NCKAP1: variants seen among roughly 807,000 people sequenced by gnomAD.
NCKAP1 encodes NCK associated protein 1, also known as nck-associated protein 1.
Under a neutral mutation model 151.2 loss-of-function variants are expected in NCKAP1, and 21 were observed. The ratio of observed to expected loss-of-function variants is 0.14; its 90% CI spans 0.10 to 0.20. The LOEUF (loss-of-function observed/expected upper bound fraction) is 0.20, where lower values mean the gene tolerates loss of function less well. NCKAP1 is among the 10% of genes least tolerant of loss of function. The pLI is 1.00. For synonymous variants in NCKAP1, 484 were observed against 451.8 expected (o/e 1.07, Z -0.90); for missense variants, 933 against 1,352.1 (o/e 0.69, Z 4.86).
intron 20 of NCKAP1, among the ~76,000 whole-genome samples, chr2:182,956,230 C>T (rs1200873034): frequency 6.6e-6 from 1 of 152,058 alleles, no homozygotes; most frequent in African/African-American, 2.4e-5. Context: ...TTAGTAGAGA[C>T]GGGGTTTCAC....
intron 15 of NCKAP1, among the ~76,000 whole-genome samples, chr2:182,975,430 G>C (rs1343012008): frequency 1.3e-5 from 2 of 151,994 alleles, no homozygotes. Flanking sequence ...TTTTGAGGTT[G>C]GAAGGAAAGA....
At chr2:182,956,854 A>G in intron 19 of NCKAP1, 1 of 284,736 alleles carries the variant, frequency 3.5e-6, no homozygotes, top group Non-Finnish European at 6.4e-6. Flanking sequence ...CTTATTCTGC[A>G]CTCATAAAGA....
chr2:182,933,120 A>T (rs1236905056), intron 26 of NCKAP1, among the ~76,000 whole-genome samples: 1 of 152,216 alleles, frequency 6.6e-6, no homozygotes, highest in African/African-American at 2.4e-5. Context: ...GTTCTTTATC[A>T]TTGGAGAATC....
chr2:183,019,373 G>C (rs960640218), intron 2 of NCKAP1, among the ~76,000 whole-genome samples: 1 of 151,756 alleles, frequency 6.6e-6, no homozygotes, highest in Non-Finnish European at 1.5e-5. Flanking sequence ...AAAAATATTG[G>C]AAAAAAAATT....
rs1696410262 is a variant in NCKAP1, at chr2:182,912,459, T to C, written c.*13243A>G. 1 of 152,230 alleles carries C rather than the reference T, an allele frequency of 6.6e-6. No homozygotes were observed. Among genetic ancestry groups the C allele is most frequent in the Middle Eastern group, 3.2e-3 (1 of 316 alleles). The allele number at this position is 152,230 out of a possible 1,614,324, so 9.4% of individuals were successfully genotyped here. A position where few individuals can be genotyped will look rare whatever the true frequency, so the allele number is the denominator to read the frequency against. On this transcript the variant is annotated 3_prime_UTR_variant, in exon 31 of 31. Coordinates refer to ENST00000361354, the MANE Select transcript of NCKAP1 (RefSeq NM_013436.5). ...AGTGCCATCTTTTAGCACATTATAA[T>C]AATCCTGTTGTGCAGTACTCCTTTC...
intron 23 of NCKAP1, among the ~76,000 whole-genome samples, chr2:182,951,452 T>A (rs1403612436): frequency 1.3e-5 from 2 of 151,132 alleles, no homozygotes; most frequent in African/African-American, 4.9e-5. Flanking sequence ...GTGGATCTCT[T>A]GAGGTCAGGA....
intron 19 of NCKAP1, 41 bp downstream of exon 19, chr2:182,957,414 ATT>A: frequency 1.3e-6 from 2 of 1,568,926 alleles, no homozygotes; most frequent in Non-Finnish European, 1.7e-6. Context: ...TGAAATAAAT[ATT>A]TTACCTGGAG....
At position 182,952,903 on chromosome 2, in the gene NCKAP1, C is replaced by T. The variant is rs1247024023; in HGVS notation, c.2393G>A (p.Arg798Gln). ...TGCTATATGGCCATTGCTGACTTGT[C>T]GTAACAAAGTTTCCAAATACCTAAG... ...YTNWYLETLL[R>Q]QVSNGHIAYF... Residue 798 changes from arginine (R) to glutamine (Q), a missense_variant, in exon 22 of 31, where the codon CGA becomes CAA. Physicochemically the swap from Arg to Gln is conservative, Grantham distance 43. This residue lies in a region of NCKAP1 where 326 missense variants were observed against 557.1 expected (regional missense o/e 0.59). Transcript: ENST00000361354. 2 of 1,610,412 alleles carry T rather than the reference C, an allele frequency of 1.2e-6. No homozygotes were observed. Among genetic ancestry groups the T allele is most frequent in the Non-Finnish European group, 1.7e-6 (2 of 1,178,958 alleles).
rs1243707750 is a variant in NCKAP1 at position 182,962,777 on chromosome 2, C to A, written c.1762-499G>T. ...AGAAATCAATTTGGTAATAGAAAGT[C>A]CAAGGCATTCAAATCTCTAAAATCA... is the stretch of plus-strand genomic sequence containing the variant. On this transcript the variant is annotated intron_variant, in intron 17 of 30. Coordinates refer to ENST00000361354, the MANE Select transcript of NCKAP1 (RefSeq NM_013436.5). Among the ~76,000 whole-genome samples the A allele has an allele frequency of 2.0e-5, 3 of 151,182 alleles. 1 individual carries two copies. In the South Asian group the frequency reaches 6.3e-4, roughly 32 times the overall value.
intron 2 of NCKAP1, among the ~76,000 whole-genome samples, chr2:183,011,908 G>C (rs1698596621): frequency 1.3e-5 from 2 of 152,130 alleles, no homozygotes; most frequent in African/African-American, 4.8e-5. Flanking sequence ...TATATTACCA[G>C]GCATTGTGGG....
intron 13 of NCKAP1, among the ~76,000 whole-genome samples, chr2:182,980,070 C>G (rs578138069): frequency 6.6e-6 from 1 of 152,016 alleles, no homozygotes; most frequent in South Asian, 2.1e-4. Context: ...TTCTGGTTTA[C>G]TTTTTAAACT....
chr2:182,952,631 A>C (rs1199983581), intron 22 of NCKAP1, 129 bp from the exon 23 acceptor site: 1 of 1,094,652 alleles, frequency 9.1e-7, no homozygotes, highest in East Asian at 2.6e-5. Flanking sequence ...CTAGAGTGAA[A>C]GAGAGAATAC....
chr2:183,009,723 TC>T (rs1002131945), intron 2 of NCKAP1, among the ~76,000 whole-genome samples: 1 of 152,172 alleles, frequency 6.6e-6, no homozygotes, highest in Non-Finnish European at 1.5e-5. Context: ...ATCAGCACCA[TC>T]CATCTCCAGA....
At chr2:182,932,427 T>C (rs996549348) in intron 26 of NCKAP1, among the ~76,000 whole-genome samples, 14 of 152,112 alleles carry the variant, frequency 9.2e-5, no homozygotes, top group African/African-American at 3.4e-4. Context: ...AGAAAGTAGA[T>C]TAGTCGTTGC....
chr2:183,034,397 TCA>T (rs746102722), intron 1 of NCKAP1, among the ~76,000 whole-genome samples: 389 of 145,628 alleles, frequency 2.7e-3, no homozygotes, highest in Middle Eastern at 0.014. Flanking sequence ...TTTTTTTTTC[TCA>T]TTCTCTGACC....
At chr2:183,034,787 C>T (rs1699071575) in intron 1 of NCKAP1, among the ~76,000 whole-genome samples, 1 of 152,120 alleles carries the variant, frequency 6.6e-6, no homozygotes. Context: ...TAAAATGAAA[C>T]ATAATTTCTA....
chr2:182,977,055 T>C (rs1057253469), intron 14 of NCKAP1, 104 bp from the exon 15 acceptor site: 12 of 666,932 alleles, frequency 1.8e-5, no homozygotes, highest in Non-Finnish European at 2.8e-5. Context: ...TACTTCTGAG[T>C]ATACCTAAAA....
intron 15 of NCKAP1, among the ~76,000 whole-genome samples, chr2:182,972,642 G>A (rs985895605): frequency 1.3e-5 from 2 of 152,100 alleles, no homozygotes; most frequent in African/African-American, 4.8e-5. Flanking sequence ...ATTCACAATC[G>A]TCAAGATATG....
intron 2 of NCKAP1, among the ~76,000 whole-genome samples, chr2:183,004,792 G>C (rs939670266): frequency 6.6e-6 from 1 of 151,020 alleles, no homozygotes; most frequent in Non-Finnish European, 1.5e-5. Context: ...GCTGAGACAG[G>C]AGAATCGCTT....
Sources: gnomAD v4.1 joint callset for allele counts (sites outside exome capture counted in the v4.1 genomes callset) on GRCh38, gnomAD v4.1.1 for gene constraint, gnomAD v4.1.1 regional missense constraint, MANE v1.5 for transcripts, NCBI Gene and HGNC (gene_info 2026-07-23, HGNC 2026-07-21) for gene names.